Variants in AATK observed in about 807,000 individuals in gnomAD.
The protein encoded by AATK is lemur tail kinase 1.
Under a neutral mutation model 114.3 loss-of-function variants are expected in AATK, and 91 were observed. That is an observed-to-expected ratio of 0.80 (90% confidence interval 0.67 to 0.95). The LOEUF (loss-of-function observed/expected upper bound fraction) is 0.95, where lower values mean the gene tolerates loss of function less well. AATK is among the 40% of genes least tolerant of loss of function. The probability of loss-of-function intolerance (pLI) is 0.00; values close to 1 mark genes in which losing one functional copy is unlikely to be tolerated. For missense variants in AATK, 2,176 were observed against 1,965.2 expected (o/e 1.11, Z -2.03); for synonymous variants, 1,075 against 916.5 (o/e 1.17, Z -3.12).
In AATK at chr17:81,121,203, T is replaced by C. The variant is rs1423559587; in HGVS notation, c.2733A>G (p.Ser911=). ...AGACCTCATAGCCACCATCACTGGC[T>C]GAGGACGGGATGTCCAGGGAGTCCA... ...DSLDSLDIPS[S]ASDGGYEVFS... is the part of the protein sequence containing the mutation. The change falls in exon 11 of 14, where the codon TCA becomes TCG. Residue 911 remains serine (S), a synonymous_variant. Coordinates refer to ENST00000326724, the MANE Select transcript of AATK (RefSeq NM_001080395.3). 11 of 1,604,536 alleles carry C rather than the reference T, an allele frequency of 6.9e-6. No individual in the cohort carries two copies. Among genetic ancestry groups the C allele is most frequent in the Non-Finnish European group, 9.4e-6 (11 of 1,176,032 alleles).
intron 3 of AATK, 151 bp from the exon 4 acceptor site, chr17:81,128,700 GGAGCCAGGGTCTCTTGA>G (rs2060885560): frequency 6.8e-7 from 1 of 1,459,996 alleles, no homozygotes; most frequent in Admixed American, 2.3e-5. Flanking sequence ...GCCACCATCA[GGAGCCAGGGTCTCTTGA>G]GAGCAGGGGC....
In AATK at chr17:81,117,600, T is replaced by C. The variant is rs2060581463; in HGVS notation, c.*802A>G. On this transcript the variant is annotated 3_prime_UTR_variant, in exon 14 of 14. Transcript: ENST00000326724. ...GCGGGGCATGGCCCCCACTCTCCTT[T>C]GGCAGCTGGGGCACAGGACCAGATA... 1 of 152,246 alleles carries C rather than the reference T, an allele frequency of 6.6e-6. No homozygotes were observed. 9.4% of individuals were successfully genotyped at this position (152,246 alleles called of 1,614,324 possible).
Position 81,122,228 on chromosome 17 carries a change from C to T in AATK, c.1708G>A (p.Ala570Thr), listed in dbSNP as rs1192860470. 1.8e-5 allele frequency: 27 copies of T among 1,492,606 alleles called. No individual in the cohort carries two copies. In the Admixed American group the frequency reaches 2.2e-4, roughly 12 times the overall value. 92.5% of individuals were successfully genotyped at this position (1,492,606 alleles called of 1,614,324 possible). ...AGCAGCGGCTCCATGGCCAGCGAGG[C>T]GGCGGTGCTGCCGTCAGAGTCGTCG... is the stretch of plus-strand genomic sequence containing the variant. The part of the protein sequence containing the change: ...QDDDSDGSTA[A>T]SLAMEPLLGH... Residue 570 changes from alanine (A) to threonine (T), a missense_variant, in exon 11 of 14, where the codon GCC (alanine) becomes ACC (threonine). Coordinates refer to ENST00000326724, the MANE Select transcript of AATK (RefSeq NM_001080395.3).
At chr17:81,152,341 T>TTGAGG (rs1177725012) in intron 1 of AATK, among the ~76,000 whole-genome samples, 1 of 152,074 alleles carries the variant, frequency 6.6e-6, no homozygotes, top group Non-Finnish European at 1.5e-5. Flanking sequence ...ATCCCAGAGC[T>TTGAGG]TTGGGAGGTT....
At chr17:81,130,775 T>C (rs1329662389) in intron 3 of AATK, among the ~76,000 whole-genome samples, 1 of 147,778 alleles carries the variant, frequency 6.8e-6, no homozygotes, top group African/African-American at 2.5e-5. Context: ...TAGCAGCCCC[T>C]TGGGCAGGGG....
chr17:81,165,744 G>A (rs1157382366), intron 1 of AATK, 194 bp downstream of exon 1: 49 of 1,524,562 alleles, frequency 3.2e-5, no homozygotes, highest in Non-Finnish European at 4.2e-5. Flanking sequence ...ACAGGCGGAG[G>A]CCGGTTTGTG....
chr17:81,137,036 T>G (rs1466443863), intron 1 of AATK, among the ~76,000 whole-genome samples: 1 of 151,988 alleles, frequency 6.6e-6, no homozygotes, highest in Non-Finnish European at 1.5e-5. Context: ...GGCAGGTGGA[T>G]CACTTGAGGT....
chr17:81,150,083 G>C (rs1289113344), intron 1 of AATK, among the ~76,000 whole-genome samples: 1 of 151,948 alleles, frequency 6.6e-6, no homozygotes, highest in African/African-American at 2.4e-5. Flanking sequence ...TCCAGACACA[G>C]AAAGTGCGTG....
Position 81,131,824 on chromosome 17 carries a change from C to A in AATK, c.190-619G>T, listed in dbSNP as rs2060937300. Reference sequence around the variant, plus strand: ...TGGGAGAAGCAATTAAGTGCCCCCACCCCTGCCGGGACAAGGAGCATTCCT... The same window carrying A: ...TGGGAGAAGCAATTAAGTGCCCCCAACCCTGCCGGGACAAGGAGCATTCCT... On this transcript the variant is annotated intron_variant, in intron 2 of 13. Transcript: ENST00000326724. The A allele has an allele frequency of 7.7e-6, 10 of 1,292,524 alleles. No individual in the cohort carries two copies. In the East Asian group the frequency reaches 5.6e-4, roughly 73 times the overall value. The allele number at this position is 1,292,524 out of a possible 1,614,324, so 80.1% of individuals were successfully genotyped here.
rs113124233 is a variant in AATK, at chr17:81,122,435, G to A, written c.1501C>T (p.Arg501Cys). The A allele has an allele frequency of 2.8e-5, 41 of 1,454,666 alleles. No homozygotes were observed. The highest frequency in any genetic ancestry group is 2.4e-4 in the African/African-American group (16 of 67,012). 90.1% of individuals were successfully genotyped at this position (1,454,666 alleles called of 1,614,324 possible). Residue 501 changes from arginine to cysteine, a missense_variant, in exon 11 of 14, where the codon CGC (arginine) becomes TGC (cysteine). Around this residue, in one of 4 missense-constraint regions of AATK, gnomAD observed 1,701 missense variants for 1,394.7 expected, o/e 1.22. Coordinates refer to ENST00000326724, the MANE Select transcript of AATK (RefSeq NM_001080395.3). ...TCGGGGGCGCACAGCTCCTGCAGGC[G>A]TGCGGTGCGGCCAGGGCTCAGCGTG... ...PATLSPGRTA[R>C]LQELCAPDGA...
Position 81,120,885 on chromosome 17 carries a change from C to T in AATK, c.3051G>A (p.Gly1017=). Residue 1017 remains glycine, a synonymous_variant, in exon 11 of 14, where the codon GGG becomes GGA. Transcript: ENST00000326724. ...ATSGPEKKCG[G]DRAPGPELGL... ...CCAGCTCTGGCCCGGGGGCTCGGTC[C>T]CCGCCGCACTTCTTCTCTGGGCCTG... 6.3e-7 allele frequency: 1 copy of T among 1,582,954 alleles called. No homozygotes were observed. Among genetic ancestry groups the T allele is most frequent in the Non-Finnish European group, 8.6e-7 (1 of 1,165,088 alleles).
chr17:81,119,270 G>GCGGAT, intron 13 of AATK, 110 bp downstream of exon 13: 2 of 1,195,544 alleles, frequency 1.7e-6, no homozygotes, highest in Non-Finnish European at 2.2e-6. Context: ...GCGGAGCGGA[G>GCGGAT]CGGAGCCGGG....
At position 81,131,203 on chromosome 17, in the gene AATK, C is replaced by T; in HGVS notation, c.192G>A (p.Glu64=). ...ACTCGTCCCCCTCCGCATTCTCAAA[C>T]TCCTGCGGGCCGGGCCGGGCATGAG... ...CCKKGGIGFK[E]FENAEGDEYA... The change falls in exon 3 of 14, where the codon GAG becomes GAA. Residue 64 remains glutamate, a splice_region_variant and synonymous_variant. Coordinates refer to ENST00000326724, the MANE Select transcript of AATK (RefSeq NM_001080395.3). The T allele has an allele frequency of 1.3e-6, 2 of 1,574,178 alleles. No individual in the cohort carries two copies. Among genetic ancestry groups the T allele is most frequent in the Middle Eastern group, 3.3e-4 (2 of 6,020 alleles).
At chr17:81,165,402 A>C in intron 1 of AATK, 1 of 286,172 alleles carries the variant, frequency 3.5e-6, no homozygotes. Flanking sequence ...GCACCCACCA[A>C]GGCCCCTCTC....
chr17:81,131,175 C>G lies in AATK; in HGVS notation c.220G>C (p.Ala74Pro). Residue 74 changes from alanine (A) to proline (P), a missense_variant, in exon 3 of 14, where the codon GCA becomes CCA. Ala to Pro is a conservative substitution (Grantham distance 27). Coordinates refer to ENST00000326724, the MANE Select transcript of AATK (RefSeq NM_001080395.3). Reference protein sequence around the residue: ...EFENAEGDEYAADLAQGSPAT... With the variant: ...EFENAEGDEYPADLAQGSPAT... ...GGGGAGCCCTGCGCCAGGTCGGCTG[C>G]GTACTCGTCCCCCTCCGCATTCTCA... The G allele has an allele frequency of 6.3e-7, 1 of 1,580,596 alleles. No homozygotes were observed. The highest frequency in any genetic ancestry group is 8.6e-7 in the Non-Finnish European group (1 of 1,165,322).
rs1226488360 is a variant in AATK at position 81,120,281 on chromosome 17, C to G, written c.3655G>C (p.Glu1219Gln). ...SLLKMPSLLSETFCEDLERKK... is the reference protein window; with the variant it reads ...SLLKMPSLLSQTFCEDLERKK... Reference sequence around the variant, plus strand: ...CGTTCCAGGTCCTCGCAGAAGGTCTCGGACAGCAGGCTGGGCATCTTGAGC... The same window carrying G: ...CGTTCCAGGTCCTCGCAGAAGGTCTGGGACAGCAGGCTGGGCATCTTGAGC... Residue 1219 changes from glutamate to glutamine, a missense_variant, in exon 11 of 14, where the codon GAG (glutamate) becomes CAG (glutamine). Coordinates refer to ENST00000326724, the MANE Select transcript of AATK (RefSeq NM_001080395.3). The G allele has an allele frequency of 2.2e-5, 36 of 1,608,440 alleles. No homozygotes were observed. Among genetic ancestry groups the G allele is most frequent in the Non-Finnish European group, 3.0e-5 (35 of 1,177,456 alleles).
chr17:81,140,668 GTGGGGACCATGGGGCCGTGGGGCCGT>G (rs758395515), intron 1 of AATK, among the ~76,000 whole-genome samples: 3,926 of 140,850 alleles, frequency 0.028, 117 homozygotes, highest in South Asian at 0.041. Context: ...CCGTGGGGCC[GTGGGGACCATGGGGCCGTGGGGCCGT>G]TGAGCTGTGG....
In AATK at chr17:81,122,448, A is replaced by T; in HGVS notation, c.1488T>A (p.Pro496=). The change falls in exon 11 of 14, where the codon CCT becomes CCA. Residue 496 remains proline (P), a synonymous_variant. Coordinates refer to ENST00000326724, the MANE Select transcript of AATK (RefSeq NM_001080395.3). ...GCTCCTGCAGGCGTGCGGTGCGGCC[A>T]GGGCTCAGCGTGGCCGGGAAGGCCT... The part of the protein sequence containing the change: ...GAEAFPATLS[P]GRTARLQELC... 1.4e-6 allele frequency: 2 copies of T among 1,455,404 alleles called. No homozygotes were observed. Among genetic ancestry groups the T allele is most frequent in the Non-Finnish European group, 9.1e-7 (1 of 1,102,634 alleles). 90.2% of individuals were successfully genotyped at this position (1,455,404 alleles called of 1,614,324 possible).
chr17:81,158,246 C>A (rs1428885605), intron 1 of AATK, among the ~76,000 whole-genome samples: 1 of 152,246 alleles, frequency 6.6e-6, no homozygotes, highest in Non-Finnish European at 1.5e-5. Context: ...CGGGGCCCAG[C>A]CTCCAGAGCC....
Sources: gnomAD v4.1 joint callset for allele counts (sites outside exome capture counted in the v4.1 genomes callset) on GRCh38, gnomAD v4.1.1 for gene constraint, gnomAD v4.1.1 regional missense constraint, MANE v1.5 for transcripts, NCBI Gene and HGNC (gene_info 2026-07-23, HGNC 2026-07-21) for gene names.